The following CTNND2 variants were observed in gnomAD, a reference collection of about 807,000 sequenced individuals.
The protein encoded by CTNND2 is catenin delta-2.
A neutral mutation model predicts 144.4 loss-of-function variants in CTNND2; 22 were observed. That is an observed-to-expected ratio of 0.15 (90% CI 0.11 to 0.22). CTNND2 has a LOEUF of 0.22. Among genes scored for constraint, CTNND2 ranks in the 10% least tolerant of loss-of-function variants. The pLI is 1.00. For missense variants in CTNND2, 1,353 were observed against 1,618.8 expected (o/e 0.84, Z 2.82); for synonymous variants, 751 against 695.6 (o/e 1.08, Z -1.25).
chr5:11,470,687 G>A (rs1167053126), intron 3 of CTNND2, among the ~76,000 whole-genome samples: 1 of 151,902 alleles, frequency 6.6e-6, no homozygotes, highest in Admixed American at 6.6e-5. Flanking sequence ...AGCTCTCCTT[G>A]GCTATGACAG....
intron 1 of CTNND2, among the ~76,000 whole-genome samples, chr5:11,806,273 G>A (rs1791991929): frequency 6.6e-6 from 1 of 152,082 alleles, no homozygotes; most frequent in African/African-American, 2.4e-5. Flanking sequence ...GGATATATGA[G>A]AACTTTGTAC....
At chr5:11,616,714 C>A (rs1780600423) in intron 2 of CTNND2, among the ~76,000 whole-genome samples, 1 of 152,004 alleles carries the variant, frequency 6.6e-6, no homozygotes, top group African/African-American at 2.4e-5. Context: ...TCAAGCAATT[C>A]TTCTGCCTCA....
chr5:11,183,171 T>A (rs1735269193), intron 11 of CTNND2, among the ~76,000 whole-genome samples: 1 of 152,238 alleles, frequency 6.6e-6, no homozygotes, highest in South Asian at 2.1e-4. Context: ...TACACTTCAA[T>A]AACTAAGTTA....
At chr5:11,733,573 T>G (rs928855224) in intron 1 of CTNND2, among the ~76,000 whole-genome samples, 3 of 152,196 alleles carry the variant, frequency 2.0e-5, no homozygotes, top group Non-Finnish European at 4.4e-5. Context: ...GAAGCCATGA[T>G]TAATAATTTA....
chr5:11,476,021 G>C (rs899358727), intron 3 of CTNND2, among the ~76,000 whole-genome samples: 3 of 150,598 alleles, frequency 2.0e-5, no homozygotes, highest in African/African-American at 7.4e-5. Flanking sequence ...CACCATGCCC[G>C]GCTAATTTTT....
chr5:11,350,040 G>A (rs1755168219), intron 8 of CTNND2, among the ~76,000 whole-genome samples: 1 of 152,164 alleles, frequency 6.6e-6, no homozygotes, highest in Non-Finnish European at 1.5e-5. Context: ...GTGAGGCTGA[G>A]ACAGGAGAAT....
intron 20 of CTNND2, among the ~76,000 whole-genome samples, chr5:10,987,068 C>T (rs980033352): frequency 3.9e-5 from 5 of 129,518 alleles, no homozygotes; most frequent in Non-Finnish European, 8.5e-5. Flanking sequence ...GGCTCTTCCT[C>T]ATAGCCTATT....
intron 2 of CTNND2, among the ~76,000 whole-genome samples, chr5:11,592,636 G>A (rs960545902): frequency 6.6e-6 from 1 of 151,490 alleles, no homozygotes; most frequent in African/African-American, 2.4e-5. Flanking sequence ...AATCTTTGCA[G>A]ACCAGAAATA....
At chr5:11,603,952 T>C (rs1779930590) in intron 2 of CTNND2, among the ~76,000 whole-genome samples, 1 of 152,210 alleles carries the variant, frequency 6.6e-6, no homozygotes, top group Non-Finnish European at 1.5e-5. Flanking sequence ...TTCCTAGAGT[T>C]ACTTGCATAT....
chr5:11,502,398 T>C (rs1051096234), intron 3 of CTNND2, among the ~76,000 whole-genome samples: 2 of 152,210 alleles, frequency 1.3e-5, no homozygotes, highest in African/African-American at 4.8e-5. Flanking sequence ...TCCTTACGAT[T>C]TGTACCTGCT....
At chr5:11,610,879 ATAT>A (rs1206270412) in intron 2 of CTNND2, among the ~76,000 whole-genome samples, 3 of 152,194 alleles carry the variant, frequency 2.0e-5, no homozygotes, top group Non-Finnish European at 4.4e-5. Flanking sequence ...GAATGAGAAG[ATAT>A]TATACTTTAC....
intron 9 of CTNND2, among the ~76,000 whole-genome samples, chr5:11,301,637 T>C (rs1749620845): frequency 6.6e-6 from 1 of 152,172 alleles, no homozygotes; most frequent in South Asian, 2.1e-4. Flanking sequence ...AAATTACATT[T>C]TAAAATTCGT....
chr5:11,301,307 G>A (rs371384958), intron 9 of CTNND2, among the ~76,000 whole-genome samples: 3 of 152,148 alleles, frequency 2.0e-5, no homozygotes, highest in East Asian at 3.9e-4. Flanking sequence ...ATGAGCCACC[G>A]CGCCCGGCCC....
chr5:11,193,099 G>A (rs565386412), intron 11 of CTNND2, among the ~76,000 whole-genome samples: 60 of 152,194 alleles, frequency 3.9e-4, no homozygotes, highest in Non-Finnish European at 5.6e-4. Flanking sequence ...AGGCAGCCCC[G>A]AATTCAGGCT....
chr5:11,493,771 A>T (rs990236222), intron 3 of CTNND2, among the ~76,000 whole-genome samples: 1 of 152,072 alleles, frequency 6.6e-6, no homozygotes, highest in African/African-American at 2.4e-5. Flanking sequence ...AGAATCAATG[A>T]GGTTTTACTT....
intron 12 of CTNND2, among the ~76,000 whole-genome samples, chr5:11,153,809 G>A (rs1580435419): frequency 2.0e-5 from 3 of 152,138 alleles, no homozygotes; most frequent in South Asian, 2.1e-4. Context: ...ACGACTCAGC[G>A]GCACCGGGAA....
At chr5:11,509,481 A>C (rs1306343175) in intron 3 of CTNND2, among the ~76,000 whole-genome samples, 6 of 152,200 alleles carry the variant, frequency 3.9e-5, no homozygotes, top group African/African-American at 1.4e-4. Context: ...AGGCAAAAAA[A>C]CTGAATAATG....
At chr5:11,718,266 T>C (rs1786466935) in intron 2 of CTNND2, among the ~76,000 whole-genome samples, 1 of 152,158 alleles carries the variant, frequency 6.6e-6, no homozygotes, top group South Asian at 2.1e-4. Context: ...TAGTGGCTAA[T>C]GTTCTTAAGA....
chr5:11,610,370 A>T (rs1780256679), intron 2 of CTNND2, among the ~76,000 whole-genome samples: 1 of 152,230 alleles, frequency 6.6e-6, no homozygotes, highest in East Asian at 1.9e-4. Flanking sequence ...CAAATAATTT[A>T]TTTGTGAGAA....
Sources: gnomAD v4.1 joint callset for allele counts (sites outside exome capture counted in the v4.1 genomes callset) on GRCh38, gnomAD v4.1.1 for gene constraint, MANE v1.5 for transcripts, NCBI Gene and HGNC (gene_info 2026-07-23, HGNC 2026-07-21) for gene names.